GATB: variants seen among roughly 807,000 people sequenced by gnomAD.
GATB encodes the protein glutamyl-tRNA(Gln) amidotransferase subunit B, mitochondrial.
A neutral mutation model predicts 62.3 loss-of-function variants in GATB; 39 were observed. That is an observed-to-expected ratio of 0.63 (90% CI 0.48 to 0.82). GATB has a LOEUF of 0.82. GATB is among the 40% of genes least tolerant of loss of function. The pLI, the probability that GATB is intolerant of heterozygous loss-of-function variation, is 0.00. For synonymous variants in GATB, 276 were observed against 258.9 expected, an observed-to-expected ratio of 1.07 and a Z score of -0.63; for missense variants, 670 against 684.0, an observed-to-expected ratio of 0.98 and a Z score of 0.23.
rs778103839 is a variant in GATB at position 151,760,852 on chromosome 4, G to A, written c.131C>T (p.Ser44Leu). 3 of 1,612,888 alleles carry A rather than the reference G, an allele frequency of 1.9e-6. No individual in the cohort carries two copies. Among genetic ancestry groups the A allele is most frequent in the Non-Finnish European group, 2.5e-6 (3 of 1,179,414 alleles). Residue 44 changes from serine to leucine, a missense_variant, in exon 1 of 13, where the codon TCA becomes TTA. Physicochemically the swap from Ser to Leu is moderately radical, Grantham distance 145. Transcript: ENST00000263985. ...CGTGTGGAGGGGCTGCTGAGCCACT[G>A]AGCTCTCTCCCCTAATCTGGTTGGA... Reference protein sequence around the residue: ...STSNQIRGESSVAQQPLHTAQ... With the variant: ...STSNQIRGESLVAQQPLHTAQ...
rs193146503 is a variant in GATB at position 151,683,711 on chromosome 4, C to T, written c.1332-3820G>A. On this transcript the variant is annotated intron_variant, in intron 10 of 12. Coordinates refer to ENST00000263985, the MANE Select transcript of GATB (RefSeq NM_004564.3). ...TGTCACATATGCTTCTTTGTTTTAACAAAGGTAAAAGCAATTCTTAGTCAC... is the reference window on the plus strand; with the variant it reads ...TGTCACATATGCTTCTTTGTTTTAATAAAGGTAAAAGCAATTCTTAGTCAC... 2.4e-3 allele frequency among the ~76,000 whole-genome samples: 361 copies of T among 152,330 alleles called. 3 individuals carry two copies. The highest frequency in any genetic ancestry group is 3.3e-3 in the Admixed American group (51 of 15,306).
At chr4:151,710,956 A>C (rs578102844) in intron 5 of GATB, among the ~76,000 whole-genome samples, 8 of 152,314 alleles carry the variant, frequency 5.3e-5, no homozygotes, top group African/African-American at 1.7e-4. Context: ...AATTTCCAAA[A>C]GGAAATCCTG....
intron 9 of GATB, among the ~76,000 whole-genome samples, chr4:151,693,205 C>T (rs1482544436): frequency 2.0e-5 from 3 of 152,008 alleles, no homozygotes; most frequent in Admixed American, 6.5e-5. Flanking sequence ...GAAAATAACA[C>T]CAAATGCTAG....
At chr4:151,686,642 T>G (rs1578900287) in intron 10 of GATB, among the ~76,000 whole-genome samples, 12 of 73,462 alleles carry the variant, frequency 1.6e-4, no homozygotes, top group Admixed American at 5.2e-4. Flanking sequence ...GTGTCACCAG[T>G]CCCCGCCCCG....
chr4:151,729,736 G>T (rs1401848964), intron 2 of GATB, among the ~76,000 whole-genome samples: 1 of 152,130 alleles, frequency 6.6e-6, no homozygotes, highest in Non-Finnish European at 1.5e-5. Flanking sequence ...GAAGTGTTGG[G>T]TAATTCTTCT....
intron 10 of GATB, among the ~76,000 whole-genome samples, chr4:151,680,685 T>C (rs1280517630): frequency 2.6e-5 from 4 of 152,354 alleles, no homozygotes; most frequent in Middle Eastern, 3.4e-3. Context: ...GACTTCTAAA[T>C]ACAGGTTGAG....
chr4:151,716,795 A>C, intron 4 of GATB, 81 bp downstream of exon 4: 2 of 1,313,408 alleles, frequency 1.5e-6, no homozygotes, highest in South Asian at 1.3e-5. Flanking sequence ...TTGTTCAAGA[A>C]AACTCTAGCG....
At chr4:151,755,551 T>C (rs1676375508) in intron 2 of GATB, among the ~76,000 whole-genome samples, 1 of 152,258 alleles carries the variant, frequency 6.6e-6, no homozygotes, top group African/African-American at 2.4e-5. Context: ...AATTGCCATT[T>C]TGCCTAATTA....
At chr4:151,759,159 C>T (rs1333780762) in intron 1 of GATB, among the ~76,000 whole-genome samples, 1 of 152,110 alleles carries the variant, frequency 6.6e-6, no homozygotes, top group East Asian at 1.9e-4. Context: ...CATCAGGAGG[C>T]TGATGATATA....
intron 9 of GATB, among the ~76,000 whole-genome samples, chr4:151,697,056 A>T (rs1738484320): frequency 6.6e-6 from 1 of 152,194 alleles, no homozygotes; most frequent in African/African-American, 2.4e-5. Context: ...TACAGCCTCT[A>T]TGGAAAACAG....
intron 5 of GATB, among the ~76,000 whole-genome samples, chr4:151,710,853 C>T (rs912290688): frequency 2.6e-5 from 4 of 152,188 alleles, no homozygotes; most frequent in Non-Finnish European, 5.9e-5. Flanking sequence ...AGGATGCCTA[C>T]ATTTCTCTCT....
intron 2 of GATB, among the ~76,000 whole-genome samples, chr4:151,731,830 T>TCCGCCCGGCAG: frequency 6.7e-6 from 1 of 150,096 alleles, no homozygotes; most frequent in African/African-American, 2.5e-5. Context: ...GAGGAGCCCC[T>TCCGCCCGGCAG]CTGCCCGGCA....
At chr4:151,750,075 G>T (rs1408021007) in intron 2 of GATB, among the ~76,000 whole-genome samples, 1 of 152,086 alleles carries the variant, frequency 6.6e-6, no homozygotes, top group Admixed American at 6.5e-5. Context: ...TAGAGACAGG[G>T]TTTCACCGTG....
At chr4:151,707,658 T>G (rs1339871747) in intron 6 of GATB, among the ~76,000 whole-genome samples, 1 of 152,196 alleles carries the variant, frequency 6.6e-6, no homozygotes, top group Non-Finnish European at 1.5e-5. Flanking sequence ...TAGGACTCAC[T>G]TCTGCCTTCA....
At chr4:151,707,435 A>G (rs1035960100) in intron 6 of GATB, among the ~76,000 whole-genome samples, 4 of 152,176 alleles carry the variant, frequency 2.6e-5, no homozygotes, top group African/African-American at 9.7e-5. Flanking sequence ...CTGGGACTAC[A>G]GGTGCTCACC....
intron 8 of GATB, among the ~76,000 whole-genome samples, chr4:151,702,021 T>C (rs749207592): frequency 6.6e-6 from 1 of 152,164 alleles, no homozygotes; most frequent in Non-Finnish European, 1.5e-5. Context: ...CACAATGGCA[T>C]TGGTGTATCT....
chr4:151,680,774 C>G (rs983183926), intron 10 of GATB, among the ~76,000 whole-genome samples: 1 of 152,182 alleles, frequency 6.6e-6, no homozygotes, highest in Non-Finnish European at 1.5e-5. Context: ...TTGCATTATA[C>G]TTACCAGTTT....
intron 10 of GATB, among the ~76,000 whole-genome samples, chr4:151,684,344 A>G (rs189687185): frequency 6.9e-4 from 105 of 152,394 alleles, no homozygotes; most frequent in African/African-American, 2.5e-3. Context: ...ATAATTCAGA[A>G]GCTGTCAACC....
chr4:151,711,269 C>T (rs991473737), intron 5 of GATB, among the ~76,000 whole-genome samples: 6 of 152,204 alleles, frequency 3.9e-5, no homozygotes, highest in African/African-American at 9.7e-5. Context: ...GCAGCCAGAG[C>T]GGTTTTCTAA....
Sources: gnomAD v4.1 joint callset for allele counts (sites outside exome capture counted in the v4.1 genomes callset) on GRCh38, gnomAD v4.1.1 for gene constraint, MANE v1.5 for transcripts, NCBI Gene and HGNC (gene_info 2026-07-23, HGNC 2026-07-21) for gene names.